Variants in SDK1 observed in about 807,000 individuals in gnomAD.
SDK1 encodes sidekick cell adhesion molecule 1, also known as protein sidekick-1.
In SDK1, 157 loss-of-function variants were observed where a neutral mutation model predicts 245.5. The observed-to-expected ratio is 0.64, with a 90% CI of 0.56 to 0.73. The LOEUF (loss-of-function observed/expected upper bound fraction) is 0.73, where lower values mean the gene tolerates loss of function less well. Ranked by LOEUF, SDK1 falls within the 30% of genes least tolerant of loss-of-function variation. The pLI is 0.00. For synonymous variants in SDK1, 1,647 were observed against 1,278.5 expected, an observed-to-expected ratio of 1.29 and a Z score of -6.15; for missense variants, 3,583 against 3,002.3, an observed-to-expected ratio of 1.19 and a Z score of -4.52.
intron 22 of SDK1, among the ~76,000 whole-genome samples, chr7:4,083,347 A>C (rs995782827): frequency 1.3e-5 from 2 of 148,942 alleles, no homozygotes; most frequent in East Asian, 2.0e-4. Flanking sequence ...GGAATCCCCC[A>C]CTCTTTTCCC....
chr7:3,589,067 C>G (rs1438499440), intron 1 of SDK1, among the ~76,000 whole-genome samples: 1 of 152,218 alleles, frequency 6.6e-6, no homozygotes, highest in African/African-American at 2.4e-5. Context: ...TTACGGACAT[C>G]AAGTCAATTC....
chr7:3,306,687 G>T (rs1055854576), intron 1 of SDK1, among the ~76,000 whole-genome samples: 17 of 152,170 alleles, frequency 1.1e-4, no homozygotes, highest in Non-Finnish European at 2.1e-4. Flanking sequence ...GTAAGACTGT[G>T]TAGTTTAATT....
At chr7:3,333,066 A>G (rs776311085) in intron 1 of SDK1, among the ~76,000 whole-genome samples, 2 of 152,094 alleles carry the variant, frequency 1.3e-5, no homozygotes, top group African/African-American at 4.8e-5. Flanking sequence ...TACTTGGGGC[A>G]TTGTGTTTGA....
At chr7:4,059,385 A>G (rs1779393934) in intron 19 of SDK1, among the ~76,000 whole-genome samples, 1 of 152,256 alleles carries the variant, frequency 6.6e-6, no homozygotes, top group Non-Finnish European at 1.5e-5. Context: ...TGAATTCAAC[A>G]AGAGGATATA....
At chr7:3,333,252 GA>G (rs1261462852) in intron 1 of SDK1, among the ~76,000 whole-genome samples, 1 of 152,104 alleles carries the variant, frequency 6.6e-6, no homozygotes, top group Non-Finnish European at 1.5e-5. Context: ...CAAAAATTAT[GA>G]TATTTAGAAA....
chr7:3,922,458 A>G (rs933255893), intron 5 of SDK1, among the ~76,000 whole-genome samples: 10 of 152,240 alleles, frequency 6.6e-5, no homozygotes, highest in Non-Finnish European at 1.2e-4. Flanking sequence ...GTTCCTCCGA[A>G]TACCACTGGG....
chr7:3,481,567 G>C (rs933416187), intron 1 of SDK1, among the ~76,000 whole-genome samples: 9 of 152,198 alleles, frequency 5.9e-5, no homozygotes, highest in Admixed American at 3.3e-4. Context: ...ATTAGGTCCA[G>C]GTATTTATTC....
intron 4 of SDK1, among the ~76,000 whole-genome samples, chr7:3,693,895 G>A (rs1784502883): frequency 6.6e-6 from 1 of 152,096 alleles, no homozygotes; most frequent in Admixed American, 6.5e-5. Flanking sequence ...ATTTGTCTCT[G>A]CCTTGACCCT....
intron 22 of SDK1, among the ~76,000 whole-genome samples, chr7:4,108,751 AACC>A (rs1040386203): frequency 2.4e-4 from 36 of 152,312 alleles, no homozygotes; most frequent in African/African-American, 8.4e-4. Flanking sequence ...AGTGCTGTGC[AACC>A]ACCACATCTG....
At chr7:4,219,959 C>G (rs1785047722) in intron 38 of SDK1, 150 bp from the exon 39 acceptor site, 1 of 848,386 alleles carries the variant, frequency 1.2e-6, no homozygotes, top group African/African-American at 1.7e-5. Flanking sequence ...TGAAAATTGG[C>G]TATTACCACC....
At chr7:4,225,754 A>C (rs1382183017) in intron 40 of SDK1, among the ~76,000 whole-genome samples, 1 of 152,142 alleles carries the variant, frequency 6.6e-6, no homozygotes, top group South Asian at 2.1e-4. Context: ...TGAGCTCAGC[A>C]GGGTTGGGGC....
intron 1 of SDK1, among the ~76,000 whole-genome samples, chr7:3,430,649 A>G (rs1236114691): frequency 6.6e-6 from 1 of 152,180 alleles, no homozygotes; most frequent in African/African-American, 2.4e-5. Context: ...CTGAGACCTG[A>G]TTCCAGAATC....
intron 5 of SDK1, among the ~76,000 whole-genome samples, chr7:3,902,512 G>A (rs1781824895): frequency 6.6e-6 from 1 of 152,100 alleles, no homozygotes. Context: ...CAGATATTGA[G>A]TTCTAAACTT....
intron 28 of SDK1, among the ~76,000 whole-genome samples, chr7:4,139,931 A>G (rs1584267706): frequency 6.6e-6 from 1 of 152,196 alleles, no homozygotes; most frequent in Admixed American, 6.5e-5. Context: ...GTAATGGGGC[A>G]GGGCCCCAGG....
In SDK1 at chr7:3,927,084, G is replaced by A. The variant is rs186928781; in HGVS notation, c.848-23839G>A. On this transcript the variant is annotated intron_variant, in intron 5 of 44. Coordinates refer to ENST00000404826, the MANE Select transcript of SDK1 (RefSeq NM_152744.4). ...TTCCGTTATTTCCTGTGATGGGCAG[G>A]TAGGGCTGACACTCTGTTCTCCAGT... 2.3e-3 allele frequency among the ~76,000 whole-genome samples: 343 copies of A among 152,250 alleles called. 2 individuals carry two copies. The highest frequency in any genetic ancestry group is 4.4e-3 in the Admixed American group (68 of 15,300).
At chr7:4,260,337 C>T (rs1363811368) in intron 44 of SDK1, among the ~76,000 whole-genome samples, 14 of 83,246 alleles carry the variant, frequency 1.7e-4, no homozygotes, top group Admixed American at 2.4e-4. Flanking sequence ...TGCTCCGGGG[C>T]CTCGGTGTGT....
intron 1 of SDK1, among the ~76,000 whole-genome samples, chr7:3,336,510 C>T (rs993995869): frequency 2.6e-5 from 4 of 152,186 alleles, no homozygotes; most frequent in African/African-American, 9.7e-5. Context: ...TGACCTCTTC[C>T]ATCCCCATCA....
chr7:4,171,588 C>T (rs1324519853), intron 32 of SDK1, among the ~76,000 whole-genome samples: 8 of 152,170 alleles, frequency 5.3e-5, no homozygotes, highest in Non-Finnish European at 1.2e-4. Context: ...CCCGTGAAGG[C>T]GGCCAGCCAG....
intron 4 of SDK1, among the ~76,000 whole-genome samples, chr7:3,786,834 G>T (rs910853293): frequency 6.6e-6 from 1 of 151,988 alleles, no homozygotes; most frequent in Non-Finnish European, 1.5e-5. Context: ...CTACTGTACA[G>T]CTGGCACCCT....
Sources: gnomAD v4.1 joint callset for allele counts (sites outside exome capture counted in the v4.1 genomes callset) on GRCh38, gnomAD v4.1.1 for gene constraint, MANE v1.5 for transcripts, NCBI Gene and HGNC (gene_info 2026-07-23, HGNC 2026-07-21) for gene names.